PSD3: variants seen among roughly 807,000 people sequenced by gnomAD.
PSD3 encodes the protein PH and SEC7 domain-containing protein 3.
A neutral mutation model predicts 105.5 loss-of-function variants in PSD3; 49 were observed. The ratio of observed to expected loss-of-function variants is 0.46; its 90% confidence interval spans 0.37 to 0.59. The LOEUF is 0.59. Ranked by LOEUF, PSD3 falls within the 20% of genes least tolerant of loss-of-function variation. The pLI is 0.00. For missense variants in PSD3, 1,561 were observed against 1,263.8 expected, an observed-to-expected ratio of 1.24 and a Z score of -3.57; for synonymous variants, 557 against 457.8, an observed-to-expected ratio of 1.22 and a Z score of -2.77.
chr8:18,583,908 T>C (rs17126863), intron 12 of PSD3, among the ~76,000 whole-genome samples: 9,143 of 152,240 alleles, frequency 0.06, 331 homozygotes, highest in African/African-American at 0.08. Flanking sequence ...CCTAATCTTA[T>C]ATATGCACTC....
In PSD3 at chr8:18,868,087, G is replaced by A. The variant is rs912247378; in HGVS notation, c.1239-18C>T. ...CGCTGATCCTGGAAAGTAAATAAGA[G>A]TGAAGAATTCCAATATTAGGTTAAT... On this transcript the variant is annotated intron_variant, in intron 3 of 15. Coordinates refer to ENST00000327040, the MANE Select transcript of PSD3 (RefSeq NM_015310.4). 1.3e-6 allele frequency: 2 copies of A among 1,566,836 alleles called. No homozygotes were observed. Among genetic ancestry groups the A allele is most frequent in the Middle Eastern group, 1.7e-4 (1 of 5,816 alleles).
intron 2 of PSD3, among the ~76,000 whole-genome samples, chr8:18,875,087 G>A (rs896649351): frequency 6.6e-6 from 1 of 152,010 alleles, no homozygotes; most frequent in Non-Finnish European, 1.5e-5. Flanking sequence ...TCCAGCTAAC[G>A]TTTTTACTTT....
At position 18,801,330 on chromosome 8, in the gene PSD3, C is replaced by T. The variant is rs868749218; in HGVS notation, c.1963G>A (p.Val655Ile). The T allele has an allele frequency of 3.7e-6, 6 of 1,608,782 alleles. No individual in the cohort carries two copies. Among genetic ancestry groups the T allele is most frequent in the Non-Finnish European group, 5.1e-6 (6 of 1,176,234 alleles). ...LVGETQERER[V>I]LIHFSNRYFY... Reference sequence around the variant, plus strand: ...TATCTATTGGAGAAGTGTATTAAAACTCTCTCTCGTTCTTGAGTTTCTCCC... The same window carrying T: ...TATCTATTGGAGAAGTGTATTAAAATTCTCTCTCGTTCTTGAGTTTCTCCC... The change falls in exon 7 of 16, where the codon GTT becomes ATT. Residue 655 changes from valine to isoleucine, a missense_variant. Val to Ile is a conservative substitution (Grantham distance 29). Coordinates refer to ENST00000327040, the MANE Select transcript of PSD3 (RefSeq NM_015310.4).
At chr8:18,770,099 C>A (rs1326304161) in intron 8 of PSD3, among the ~76,000 whole-genome samples, 2 of 152,170 alleles carry the variant, frequency 1.3e-5, no homozygotes, top group African/African-American at 4.8e-5. Context: ...CCACAAGCAG[C>A]GAATGAGGGT....
At chr8:18,945,770 G>C (rs560255256) in intron 1 of PSD3, among the ~76,000 whole-genome samples, 4 of 152,210 alleles carry the variant, frequency 2.6e-5, no homozygotes, top group Non-Finnish European at 5.9e-5. Flanking sequence ...GAGGTCAGGA[G>C]TTTGAGACCA....
In PSD3 at chr8:19,050,026, T is replaced by C. The variant is rs544031573; in HGVS notation, c.324+34180A>G. 1.4e-4 allele frequency among the ~76,000 whole-genome samples: 22 copies of C among 152,326 alleles called. No homozygotes were observed. The East Asian group carries it at 3.9e-3, about 27-fold the overall frequency. On this transcript the variant is annotated intron_variant, in intron 1 of 1. Transcript: ENST00000521475. ...CAAATAAGCCAGGGCTTTGAAAACA[T>C]AACACTTTTGTTCAAACATGCCAAT...
Position 18,987,287 on chromosome 8 carries a change from T to TA in PSD3, c.21+26275_21+26276insT, listed in dbSNP as rs1563488369. 4.0e-5 allele frequency among the ~76,000 whole-genome samples: 6 copies of TA among 150,836 alleles called. No homozygotes were observed. The East Asian group carries it at 1.2e-3, about 29-fold the overall frequency. On this transcript the variant is annotated intron_variant, in intron 1 of 15. Coordinates refer to ENST00000327040, the MANE Select transcript of PSD3 (RefSeq NM_015310.4). ...AAATTTATTTTCTTTTTTATTTTTT[T>TA]TTTTATATATATTTTTTTAAGACGG...
chr8:18,860,840 T>C (rs957235349), intron 4 of PSD3, among the ~76,000 whole-genome samples: 1 of 152,164 alleles, frequency 6.6e-6, no homozygotes, highest in Non-Finnish European at 1.5e-5. Flanking sequence ...TTAACCACCA[T>C]TCCATTTTTA....
chr8:18,991,349 CACATACACACACACACACACACAT>C (rs757031835), intron 1 of PSD3, among the ~76,000 whole-genome samples: 2,046 of 73,936 alleles, frequency 0.028, 24 homozygotes, highest in Non-Finnish European at 0.04. Flanking sequence ...CACACACACA[CACATACACACACACACACACACAT>C]ACACACACAC....
Position 19,065,527 on chromosome 8 carries a change from T to C in PSD3, c.324+18679A>G, listed in dbSNP as rs143081391. On this transcript the variant is annotated intron_variant, in intron 1 of 1. Transcript: ENST00000521475. ...GATCAGCTTGAAGTTAGGGTTCCCATGATCCCCTCCTTGGGTTTGATTAAT... is the reference window on the plus strand; with the variant it reads ...GATCAGCTTGAAGTTAGGGTTCCCACGATCCCCTCCTTGGGTTTGATTAAT... 2.5e-3 allele frequency among the ~76,000 whole-genome samples: 386 copies of C among 152,306 alleles called. 5 individuals carry two copies. Among genetic ancestry groups the C allele is most frequent in the African/African-American group, 8.7e-3 (362 of 41,580 alleles).
rs78027399 is a variant in PSD3, at chr8:18,585,372, C to G, written c.2482-10087G>C. The stretch of plus-strand genomic sequence containing the variant: ...TCTCACTGTCACGCAGGCTAGAGTG[C>G]AATGACCCAATCTTGACTCACTATA... On this transcript the variant is annotated intron_variant, in intron 12 of 15. Coordinates refer to ENST00000327040, the MANE Select transcript of PSD3 (RefSeq NM_015310.4). 3.5e-4 allele frequency among the ~76,000 whole-genome samples: 53 copies of G among 152,272 alleles called. No homozygotes were observed. In the East Asian group the frequency reaches 0.01, roughly 29 times the overall value.
intron 2 of PSD3, among the ~76,000 whole-genome samples, chr8:18,879,445 G>A (rs1407693352): frequency 6.6e-6 from 1 of 152,194 alleles, no homozygotes; most frequent in Admixed American, 6.5e-5. Context: ...GAAAGGACCT[G>A]ACCAAGGTCA....
chr8:18,974,871 G>C (rs953391815), intron 1 of PSD3, among the ~76,000 whole-genome samples: 2 of 151,992 alleles, frequency 1.3e-5, no homozygotes, highest in African/African-American at 2.4e-5. Context: ...TGGAGGAAAG[G>C]GTGGACCGCA....
chr8:18,790,372 G>A (rs1028806170), intron 8 of PSD3, among the ~76,000 whole-genome samples: 31 of 146,516 alleles, frequency 2.1e-4, no homozygotes, highest in African/African-American at 6.6e-4. Flanking sequence ...GAGTGATCTC[G>A]GCTCACTGCA....
intron 1 of PSD3, among the ~76,000 whole-genome samples, chr8:19,055,509 T>C (rs1828680787): frequency 1.3e-5 from 2 of 152,208 alleles, no homozygotes; most frequent in Admixed American, 6.5e-5. Context: ...CGCCTCGGCC[T>C]CCCAAAGTGC....
chr8:18,830,636 C>T (rs1296239511), intron 4 of PSD3, among the ~76,000 whole-genome samples: 1 of 152,134 alleles, frequency 6.6e-6, no homozygotes, highest in East Asian at 1.9e-4. Context: ...TTTGGGCAAA[C>T]TTTTTTAAAA....
chr8:18,644,940 C>A (rs1451780361), intron 10 of PSD3, among the ~76,000 whole-genome samples: 1 of 152,196 alleles, frequency 6.6e-6, no homozygotes, highest in Non-Finnish European at 1.5e-5. Flanking sequence ...GGCCTCCTTG[C>A]TGGGGTCTTC....
chr8:18,765,626 G>A lies in PSD3; in HGVS notation c.2083-88C>T, dbSNP rs1223699321. ...ATATGATGAGGCAGACCAATAATTTGTTTCTAAAAACATAACTAGGCCAGG... is the reference window on the plus strand; with the variant it reads ...ATATGATGAGGCAGACCAATAATTTATTTCTAAAAACATAACTAGGCCAGG... On this transcript the variant is annotated intron_variant, in intron 8 of 15. Coordinates refer to ENST00000327040, the MANE Select transcript of PSD3 (RefSeq NM_015310.4). The A allele has an allele frequency of 4.2e-6, 5 of 1,192,016 alleles. No homozygotes were observed. The African/African-American group carries it at 6.0e-5, about 14-fold the overall frequency. 73.8% of individuals were successfully genotyped at this position (1,192,016 alleles called of 1,614,324 possible).
chr8:19,002,929 G>A (rs1368802173), intron 1 of PSD3, among the ~76,000 whole-genome samples: 1 of 151,954 alleles, frequency 6.6e-6, no homozygotes, highest in Non-Finnish European at 1.5e-5. Flanking sequence ...ATAGGTGTGT[G>A]ACTTTAAGAA....
Sources: allele counts gnomAD v4.1 joint callset (sites outside exome capture counted in the v4.1 genomes callset), GRCh38; gene constraint gnomAD v4.1.1; transcripts MANE v1.5; gene names NCBI Gene and HGNC (gene_info 2026-07-23, HGNC 2026-07-21).